Variants in ZMYM2 observed in about 807,000 individuals in gnomAD.
ZMYM2 encodes the protein zinc finger MYM-type containing 2.
A neutral mutation model predicts 162.8 loss-of-function variants in ZMYM2; 56 were observed. The ratio of observed to expected loss-of-function variants is 0.34; its 90% CI spans 0.28 to 0.43. The LOEUF is 0.43. ZMYM2 is among the 20% of genes least tolerant of loss of function. The pLI, the probability that ZMYM2 is intolerant of heterozygous loss-of-function variation, is 1.00. For synonymous variants in ZMYM2, 510 were observed against 541.6 expected (o/e 0.94, Z 0.81); for missense variants, 1,275 against 1,621.8 (o/e 0.79, Z 3.67).
chr13:20,004,502 G>A (rs1483840075), intron 4 of ZMYM2, among the ~76,000 whole-genome samples: 4 of 151,792 alleles, frequency 2.6e-5, no homozygotes, highest in African/African-American at 7.3e-5. Flanking sequence ...TGATCCACCC[G>A]CCTCAGCCTC....
At chr13:19,890,522 A>AAAAAAAAAAAAAAAAAAAAAAAAAAAAAT in the ZMYM2 span, among the ~76,000 whole-genome samples, 1 of 148,336 alleles carries the variant, frequency 6.7e-6, no homozygotes, top group Non-Finnish European at 1.5e-5. Context: ...AAAAAAAAAA[A>AAAAAAAAAAAAAAAAAAAAAAAAAAAAAT]GTTGGGAAAA....
intron 6 of ZMYM2, among the ~76,000 whole-genome samples, chr13:20,011,430 T>G (rs1167620881): frequency 1.3e-5 from 2 of 152,132 alleles, no homozygotes; most frequent in African/African-American, 4.8e-5. Flanking sequence ...AATTGAAAAG[T>G]TTTGGGTTTT....
At chr13:20,075,214 C>G (rs961649133) in intron 21 of ZMYM2, among the ~76,000 whole-genome samples, 1 of 152,196 alleles carries the variant, frequency 6.6e-6, no homozygotes, top group African/African-American at 2.4e-5. Context: ...GTTTTGCTCA[C>G]AGCTGACAAT....
rs34930892 is a variant in ZMYM2, at chr13:20,054,996, G to GT, written c.2493+2701dup. On this transcript the variant is annotated intron_variant, in intron 14 of 24. Transcript: ENST00000610343. ...CATTTGTCTACTTCCACATGGGGTT[G>GT]TTTTTTTTTTTTTTTTCCCCCAACC... Among the ~76,000 whole-genome samples, 322 of 142,930 alleles carry GT rather than the reference G, an allele frequency of 2.3e-3. 1 individual carries two copies. Among genetic ancestry groups the GT allele is most frequent in the African/African-American group, 7.8e-3 (304 of 38,818 alleles). The allele number at this position is 142,930 out of a possible 152,430, so 93.8% of individuals were successfully genotyped here.
chr13:19,915,658 C>T, the ZMYM2 span, among the ~76,000 whole-genome samples: 2 of 151,776 alleles, frequency 1.3e-5, no homozygotes, highest in Non-Finnish European at 2.9e-5. Context: ...TGCCCACCAC[C>T]ACGCCCAGCT....
chr13:19,936,120 A>G, the ZMYM2 span, among the ~76,000 whole-genome samples: 1 of 152,210 alleles, frequency 6.6e-6, no homozygotes, highest in Non-Finnish European at 1.5e-5. Flanking sequence ...TTAATTTTCA[A>G]AGTTCAGCAT....
intron 11 of ZMYM2, among the ~76,000 whole-genome samples, chr13:20,036,258 C>A (rs1056032205): frequency 1.2e-5 from 1 of 85,196 alleles, no homozygotes. Flanking sequence ...CTGGGCAAGT[C>A]AATAAATCTG....
intron 12 of ZMYM2, among the ~76,000 whole-genome samples, chr13:20,041,375 C>T (rs1954232183): frequency 6.6e-6 from 1 of 151,986 alleles, no homozygotes; most frequent in Non-Finnish European, 1.5e-5. Context: ...GAGGCAACCC[C>T]TGCTTTTCTC....
At chr13:20,083,114 G>T in intron 23 of ZMYM2, 82 bp downstream of exon 23, 1 of 1,361,578 alleles carries the variant, frequency 7.3e-7, no homozygotes, top group Non-Finnish European at 9.8e-7. Flanking sequence ...CCAGGCTGGA[G>T]TGCAGTGGTG....
the ZMYM2 span, among the ~76,000 whole-genome samples, chr13:19,899,024 C>T: frequency 6.6e-6 from 1 of 151,252 alleles, no homozygotes; most frequent in Admixed American, 6.6e-5. Context: ...TTGATCTCAG[C>T]TCACTGCAGC....
At chr13:19,966,658 C>G (rs925984564) in intron 2 of ZMYM2, among the ~76,000 whole-genome samples, 1 of 151,628 alleles carries the variant, frequency 6.6e-6, no homozygotes, top group Non-Finnish European at 1.5e-5. Context: ...TCAGCCTGGT[C>G]TTGAACTCCT....
intron 10 of ZMYM2, among the ~76,000 whole-genome samples, chr13:20,033,153 G>T (rs149471567): frequency 1.3e-5 from 2 of 152,088 alleles, no homozygotes; most frequent in Non-Finnish European, 2.9e-5. Flanking sequence ...AATGAAGAAA[G>T]AAATCCATTA....
rs779308116 is a variant in ZMYM2, at chr13:20,066,871, A to G, written c.3153A>G (p.Val1051=). 1.2e-6 allele frequency: 2 copies of G among 1,604,070 alleles called. No individual in the cohort carries two copies. The highest frequency in any genetic ancestry group is 1.7e-6 in the Non-Finnish European group (2 of 1,176,286). The change falls in exon 20 of 25, where the codon GTA becomes GTG. Residue 1051 remains valine (V), a synonymous_variant. Transcript: ENST00000610343. ...SKKKGAKRKA[V]SGYQSHDDSS... The stretch of plus-strand genomic sequence containing the variant: ...AATAGGGAGCCAAGAGAAAGGCTGT[A>G]TCAGGATACCAGTCTCATGATGATA...
Position 20,083,490 on chromosome 13 carries a change from A to G in ZMYM2, c.3821-166A>G, listed in dbSNP as rs564809524. On this transcript the variant is annotated intron_variant, in intron 23 of 24. Coordinates refer to ENST00000610343, the MANE Select transcript of ZMYM2 (RefSeq NM_197968.4). ...AAAATAAGACAACCTATGTCTTAAG[A>G]TGTCTCAGTTCCTTTTGTTTGAAAA... is the stretch of plus-strand genomic sequence containing the variant. 32 of 603,134 alleles carry G rather than the reference A, an allele frequency of 5.3e-5. No individual in the cohort carries two copies. The East Asian group carries it at 9.2e-4, about 17-fold the overall frequency. The allele number at this position is 603,134 out of a possible 1,614,324, so 37.4% of individuals were successfully genotyped here.
chr13:19,866,924 A>T, the ZMYM2 span, among the ~76,000 whole-genome samples: 12 of 152,188 alleles, frequency 7.9e-5, no homozygotes, highest in Non-Finnish European at 1.5e-4. Flanking sequence ...GTTTATAATA[A>T]TTTAATGACT....
the ZMYM2 span, among the ~76,000 whole-genome samples, chr13:19,887,556 A>G: frequency 6.6e-5 from 10 of 151,382 alleles, no homozygotes; most frequent in Non-Finnish European, 1.5e-4. Context: ...TATAATATAT[A>G]TATCATTATT....
chr13:20,055,692 A>G (rs185167926), intron 14 of ZMYM2, among the ~76,000 whole-genome samples: 117 of 152,260 alleles, frequency 7.7e-4, no homozygotes, highest in Middle Eastern at 3.4e-3. Context: ...GGAAGAGGAA[A>G]TTTGCCAGTC....
the ZMYM2 span, among the ~76,000 whole-genome samples, chr13:19,898,582 A>G: frequency 1.3e-5 from 2 of 152,140 alleles, no homozygotes; most frequent in African/African-American, 4.8e-5. Flanking sequence ...ACACAGAGAT[A>G]TTATAAAATA....
At position 19,961,340 on chromosome 13, in the gene ZMYM2, G is replaced by T. The variant is rs4769925; in HGVS notation, c.-11+1314G>T. ...TACTGCCTTGTTTCAAAACTAACGG[G>T]CTGTTTGGATCAGAATTAACATAGT... On this transcript the variant is annotated intron_variant, in intron 2 of 24. Coordinates refer to ENST00000610343, the MANE Select transcript of ZMYM2 (RefSeq NM_197968.4). 1.5e-3 allele frequency among the ~76,000 whole-genome samples: 232 copies of T among 152,218 alleles called. 3 individuals are homozygous for T. The highest frequency in any genetic ancestry group is 0.011 in the Admixed American group (171 of 15,292).
Sources: allele counts gnomAD v4.1 joint callset (sites outside exome capture counted in the v4.1 genomes callset), GRCh38; gene constraint gnomAD v4.1.1; transcripts MANE v1.5; gene names NCBI Gene and HGNC (gene_info 2026-07-23, HGNC 2026-07-21).